The following DIP2C variants were observed in gnomAD, a reference collection of about 807,000 sequenced individuals.
DIP2C encodes disco-interacting protein 2 homolog C.
In DIP2C, 33 loss-of-function variants were observed where a neutral mutation model predicts 192.4. The observed-to-expected ratio is 0.17, with a 90% confidence interval of 0.13 to 0.23. DIP2C has a LOEUF of 0.23. Ranked by LOEUF, DIP2C falls within the 10% of genes least tolerant of loss-of-function variation. The pLI is 1.00. For synonymous variants in DIP2C, 979 were observed against 864.1 expected (o/e 1.13, Z -2.33); for missense variants, 1,537 against 2,110.1 (o/e 0.73, Z 5.32).
At chr10:376,342 C>T (rs1961586390) in intron 17 of DIP2C, among the ~76,000 whole-genome samples, 5 of 152,184 alleles carry the variant, frequency 3.3e-5, no homozygotes, top group South Asian at 4.1e-4. Context: ...CCTCGGCCCC[C>T]GACGGAGCCG....
chr10:512,390 C>T (rs1251042389), intron 1 of DIP2C, among the ~76,000 whole-genome samples: 1 of 151,958 alleles, frequency 6.6e-6, no homozygotes, highest in Non-Finnish European at 1.5e-5. Flanking sequence ...AAAACCCTGT[C>T]TCTACTAAAA....
At chr10:560,492 C>A (rs774946461) in intron 1 of DIP2C, among the ~76,000 whole-genome samples, 1 of 152,158 alleles carries the variant, frequency 6.6e-6, no homozygotes, top group East Asian at 1.9e-4. Context: ...CTGAAACTCG[C>A]GGCAGTGAAC....
intron 2 of DIP2C, 41 bp downstream of exon 2, chr10:486,418 G>T: frequency 1.3e-6 from 2 of 1,525,660 alleles, no homozygotes; most frequent in Non-Finnish European, 1.8e-6. Flanking sequence ...TAGTGAATGC[G>T]GGAAATGAGA....
At chr10:590,938 C>CA (rs77330024) in intron 1 of DIP2C, among the ~76,000 whole-genome samples, 11,249 of 152,162 alleles carry the variant, frequency 0.074, 1,328 homozygotes, top group African/African-American at 0.25. Context: ...TCCGAGCCTC[C>CA]AGTCTGTCCC....
At chr10:510,640 C>T (rs992154518) in intron 1 of DIP2C, among the ~76,000 whole-genome samples, 1 of 152,208 alleles carries the variant, frequency 6.6e-6, no homozygotes, top group African/African-American at 2.4e-5. Context: ...ATAAGCTGAA[C>T]AAAACTCTAT....
intron 26 of DIP2C, among the ~76,000 whole-genome samples, chr10:347,546 C>T (rs1262675156): frequency 3.8e-5 from 5 of 131,464 alleles, no homozygotes; most frequent in African/African-American, 1.2e-4. Context: ...CCAGACACAT[C>T]GCGCATAGCT....
intron 1 of DIP2C, chr10:662,021 C>T (rs766144540): frequency 2.1e-5 from 15 of 714,988 alleles, no homozygotes; most frequent in South Asian, 4.4e-5. Context: ...GCGAGTGCCC[C>T]GCAGGAGCCT....
At chr10:288,273 ATTCTAAAAAATACATTT>A in intron 33 of DIP2C, 74 bp downstream of exon 33, 2 of 1,263,958 alleles carry the variant, frequency 1.6e-6, no homozygotes, top group Non-Finnish European at 2.2e-6. Flanking sequence ...TGGAAAAAAC[ATTCTAAAAAATACATTT>A]CCTAAAATTT....
intron 1 of DIP2C, among the ~76,000 whole-genome samples, chr10:491,834 A>C (rs970486403): frequency 2.6e-5 from 4 of 152,250 alleles, no homozygotes; most frequent in African/African-American, 9.6e-5. Context: ...GGACTCATGA[A>C]CACAGACCTG....
intron 1 of DIP2C, among the ~76,000 whole-genome samples, chr10:572,435 T>G (rs1170711040): frequency 6.6e-6 from 1 of 152,200 alleles, no homozygotes; most frequent in East Asian, 1.9e-4. Context: ...AGCACAGGAT[T>G]TGCAGAGTGG....
rs542469369 is a variant in DIP2C at position 671,656 on chromosome 10, G to A, written c.85+17838C>T. Among the ~76,000 whole-genome samples, 56 of 97,862 alleles carry A rather than the reference G, an allele frequency of 5.7e-4. 1 individual carries two copies. The highest frequency in any genetic ancestry group is 7.3e-4 in the Non-Finnish European group (37 of 50,762). The allele number at this position is 97,862 out of a possible 152,430, so 64.2% of individuals were successfully genotyped here. ...ACGGAGGAAACGTCACAGACGCACG[G>A]ACGGAGGAAACGTCACAGACGCACC... On this transcript the variant is annotated intron_variant, in intron 1 of 36. Transcript: ENST00000280886.
At chr10:380,386 T>A (rs12783107) in intron 17 of DIP2C, among the ~76,000 whole-genome samples, 1,342 of 50,984 alleles carry the variant, frequency 0.026, 17 homozygotes, top group East Asian at 0.046. Flanking sequence ...TGTCCCTGGA[T>A]GATGGTTAAT....
chr10:556,023 C>T (rs150657041), intron 1 of DIP2C, among the ~76,000 whole-genome samples: 4 of 152,190 alleles, frequency 2.6e-5, no homozygotes, highest in South Asian at 4.1e-4. Context: ...ACAGTCCAGT[C>T]GCAGCAGACT....
chr10:383,984 C>A, intron 16 of DIP2C, 43 bp downstream of exon 16: 1 of 1,449,416 alleles, frequency 6.9e-7, no homozygotes, highest in South Asian at 1.6e-5. Context: ...AAAAAAGACT[C>A]CACAGCCCGC....
chr10:359,243 G>C (rs574128597), intron 22 of DIP2C, among the ~76,000 whole-genome samples: 2 of 152,178 alleles, frequency 1.3e-5, no homozygotes, highest in Non-Finnish European at 2.9e-5. Flanking sequence ...TCCTCTAGCC[G>C]GCCCCCAGGG....
At chr10:647,638 C>A (rs1041406495) in intron 1 of DIP2C, among the ~76,000 whole-genome samples, 14 of 144,204 alleles carry the variant, frequency 9.7e-5, no homozygotes, top group Non-Finnish European at 1.6e-4. Context: ...TGGGAGAGAA[C>A]AGAGGGAAAC....
chr10:649,783 C>T (rs1855738650), intron 1 of DIP2C, among the ~76,000 whole-genome samples: 2 of 152,234 alleles, frequency 1.3e-5, no homozygotes, highest in African/African-American at 4.8e-5. Flanking sequence ...AAATGATCCT[C>T]TATGTATCCT....
In DIP2C at chr10:571,028, C is replaced by T. The variant is rs530061999; in HGVS notation, c.86-84498G>A. ...CCAGCGCCCTGGGCTGCGGCTTCCA[C>T]GCTGGACCGGCACTGGCCTAACGAC... On this transcript the variant is annotated intron_variant, in intron 1 of 36. Coordinates refer to ENST00000280886, the MANE Select transcript of DIP2C (RefSeq NM_014974.3). 8.3e-4 allele frequency among the ~76,000 whole-genome samples: 127 copies of T among 152,224 alleles called. 1 individual carries two copies. The highest frequency in any genetic ancestry group is 5.0e-4 in the Non-Finnish European group (34 of 68,042).
intron 18 of DIP2C, among the ~76,000 whole-genome samples, chr10:368,759 G>C (rs780465275): frequency 7.2e-5 from 11 of 152,226 alleles, no homozygotes; most frequent in Non-Finnish European, 1.3e-4. Context: ...TGCTGGGCTT[G>C]AGCCCACACC....
Sources: gnomAD v4.1 joint callset for allele counts (sites outside exome capture counted in the v4.1 genomes callset) on GRCh38, gnomAD v4.1.1 for gene constraint, MANE v1.5 for transcripts, NCBI Gene and HGNC (gene_info 2026-07-23, HGNC 2026-07-21) for gene names.